Variants in CCNB3 observed in about 807,000 individuals in gnomAD.
The protein encoded by CCNB3 is G2/mitotic-specific cyclin-B3.
In CCNB3, 12 loss-of-function variants were observed where a neutral mutation model predicts 68.0. The ratio of observed to expected loss-of-function variants is 0.18; its 90% CI spans 0.11 to 0.29. The LOEUF (loss-of-function observed/expected upper bound fraction) is 0.29. Ranked by LOEUF, CCNB3 falls within the 10% of genes least tolerant of loss-of-function variation. The pLI is 1.00. For missense variants in CCNB3, 904 were observed against 993.1 expected, an observed-to-expected ratio of 0.91 and a Z score of 1.21; for synonymous variants, 354 against 388.9, an observed-to-expected ratio of 0.91 and a Z score of 1.06.
rs573717005 is a variant in CCNB3, at chrX:50,289,788, T to C, written c.204+901T>C. Reference sequence around the variant, plus strand: ...TCTTGCCCTGCATTATGTAGTATACTTATGTAGCTACCAGAATACTTGTAT... The same window carrying C: ...TCTTGCCCTGCATTATGTAGTATACCTATGTAGCTACCAGAATACTTGTAT... On this transcript the variant is annotated intron_variant, in intron 4 of 12. Coordinates refer to ENST00000376042, the MANE Select transcript of CCNB3 (RefSeq NM_033031.3). 4.5e-5 allele frequency among the ~76,000 whole-genome samples: 5 copies of C among 112,186 alleles called. No individual in the cohort carries two copies. In the South Asian group the frequency reaches 1.9e-3, roughly 42 times the overall value.
intron 1 of CCNB3, among the ~76,000 whole-genome samples, chrX:50,212,403 C>G (rs1935497902): frequency 8.9e-6 from 1 of 112,145 alleles, no homozygotes; most frequent in Non-Finnish European, 1.9e-5. Flanking sequence ...TAGTAACTGA[C>G]TAACTGGTTT....
chrX:50,296,427 C>A (rs1201142098), intron 5 of CCNB3, among the ~76,000 whole-genome samples: 1 of 58,599 alleles, frequency 1.7e-5, no homozygotes, highest in African/African-American at 6.8e-5. Flanking sequence ...AGGTTTCCAG[C>A]TTCATCCATG....
chrX:50,204,171 T>G (rs145070416), upstream of CCNB3, among the ~76,000 whole-genome samples: 6 of 111,426 alleles, frequency 5.4e-5, no homozygotes, highest in African/African-American at 1.6e-4. Flanking sequence ...GCAGAAAACA[T>G]AATTCAGAAA....
chrX:50,308,387 T>A (rs1187783327), intron 5 of CCNB3, 118 bp from the exon 6 acceptor site: 3 of 491,377 alleles, frequency 6.1e-6, no homozygotes, highest in Non-Finnish European at 1.0e-5. Context: ...TAATCTGTCT[T>A]ATGGGGTTGA....
At position 50,308,843 on chromosome X, in the gene CCNB3, C is replaced by T; in HGVS notation, c.674C>T (p.Thr225Ile). The T allele has an allele frequency of 1.7e-6, 2 of 1,210,840 alleles. No individual in the cohort carries two copies. The highest frequency in any genetic ancestry group is 2.2e-6 in the Non-Finnish European group (2 of 895,206). ...CATAAAACTGAGGAGGCAGCCATCACCAAGAAGACATTATCCTTAAAGAAG... is the reference window on the plus strand; with the variant it reads ...CATAAAACTGAGGAGGCAGCCATCATCAAGAAGACATTATCCTTAAAGAAG... ...KTHKTEEAAI[T>I]KKTLSLKKKM... The change falls in exon 6 of 13, where the codon ACC becomes ATC. Residue 225 changes from threonine to isoleucine, a missense_variant. Physicochemically the swap from Thr to Ile is moderately conservative, Grantham distance 89. Coordinates refer to ENST00000376042, the MANE Select transcript of CCNB3 (RefSeq NM_033031.3).
At chrX:50,227,603 AAT>A (rs1322344620) in intron 1 of CCNB3, among the ~76,000 whole-genome samples, 1 of 87,580 alleles carries the variant, frequency 1.1e-5, no homozygotes, top group Non-Finnish European at 2.2e-5. Flanking sequence ...ATATACAGAG[AAT>A]ATATATATAA....
intron 11 of CCNB3, among the ~76,000 whole-genome samples, chrX:50,348,921 G>A (rs5915330): frequency 0.42 from 46,607 of 111,589 alleles, 8,580 homozygotes; most frequent in Non-Finnish European, 0.58. Flanking sequence ...CCAGTGGGCC[G>A]TGAGGGGGAC....
At chrX:50,297,416 G>A (rs1602210213) in intron 5 of CCNB3, among the ~76,000 whole-genome samples, 1 of 110,970 alleles carries the variant, frequency 9.0e-6, no homozygotes, top group East Asian at 2.8e-4. Flanking sequence ...TTTTTGTCAG[G>A]TTTGTCAAAG....
chrX:50,281,797 CAT>C (rs1416853424), intron 1 of CCNB3, among the ~76,000 whole-genome samples: 12 of 111,567 alleles, frequency 1.1e-4, no homozygotes, highest in African/African-American at 3.9e-4. Flanking sequence ...AGGGATCAGA[CAT>C]ATTTAAGTCA....
intron 1 of CCNB3, among the ~76,000 whole-genome samples, chrX:50,215,409 A>G (rs1406127723): frequency 2.7e-5 from 3 of 110,271 alleles, no homozygotes; most frequent in African/African-American, 9.9e-5. Context: ...AATTGAGGGC[A>G]TCATCTATTT....
chrX:50,285,405 A>AT, intron 3 of CCNB3, 146 bp downstream of exon 3: 4 of 462,935 alleles, frequency 8.6e-6, no homozygotes, highest in Non-Finnish European at 1.5e-5. Flanking sequence ...GTATTGGAGA[A>AT]TGCCAGCAAA....
At chrX:50,208,943 T>C (rs1935426613) in intron 1 of CCNB3, among the ~76,000 whole-genome samples, 1 of 112,038 alleles carries the variant, frequency 8.9e-6, no homozygotes, top group Non-Finnish European at 1.9e-5. Flanking sequence ...AAATGATATA[T>C]TTCCTATTGG....
intron 1 of CCNB3, among the ~76,000 whole-genome samples, chrX:50,209,972 A>C (rs1228747366): frequency 8.9e-6 from 1 of 111,863 alleles, no homozygotes; most frequent in Non-Finnish European, 1.9e-5. Context: ...TTTGCCAAAC[A>C]GAAATTTAAA....
intron 5 of CCNB3, among the ~76,000 whole-genome samples, chrX:50,297,162 T>G (rs1415430281): frequency 5.4e-5 from 6 of 111,996 alleles, no homozygotes; most frequent in Admixed American, 9.5e-5. Context: ...TTTTGGCTTC[T>G]GTTGCCATTG....
chrX:50,226,806 T>G (rs1456672796), intron 1 of CCNB3, among the ~76,000 whole-genome samples: 3,007 of 76,583 alleles, frequency 0.039, 65 homozygotes, highest in Middle Eastern at 0.11. Context: ...AATATATATA[T>G]AGAGTATATA....
chrX:50,227,186 A>G (rs1231570300), intron 1 of CCNB3, among the ~76,000 whole-genome samples: 2 of 83,361 alleles, frequency 2.4e-5, no homozygotes, highest in East Asian at 6.9e-4. Flanking sequence ...ATATAAGTAT[A>G]AATATATATA....
chrX:50,208,366 A>G (rs79825715), intron 1 of CCNB3, among the ~76,000 whole-genome samples: 1 of 112,323 alleles, frequency 8.9e-6, no homozygotes, highest in Non-Finnish European at 1.9e-5. Flanking sequence ...TTAACCCTGA[A>G]CCACACAGAT....
chrX:50,226,962 A>G (rs1351038420), intron 1 of CCNB3, among the ~76,000 whole-genome samples: 1 of 76,876 alleles, frequency 1.3e-5, no homozygotes, highest in Non-Finnish European at 2.3e-5. Flanking sequence ...TATAGTATAT[A>G]TATAGAATAT....
At chrX:50,326,307 T>C (rs1053741624) in intron 8 of CCNB3, among the ~76,000 whole-genome samples, 1 of 112,062 alleles carries the variant, frequency 8.9e-6, no homozygotes, top group Non-Finnish European at 1.9e-5. Context: ...GTCTTCCCTA[T>C]GGATAATTAT....
Sources: gnomAD v4.1 joint callset for allele counts (sites outside exome capture counted in the v4.1 genomes callset) on GRCh38, gnomAD v4.1.1 for gene constraint, MANE v1.5 for transcripts, NCBI Gene and HGNC (gene_info 2026-07-23, HGNC 2026-07-21) for gene names.